RSAD1: variants seen among roughly 807,000 people sequenced by gnomAD.
RSAD1 encodes the protein radical S-adenosyl methionine domain containing 1.
Under a neutral mutation model 46.2 loss-of-function variants are expected in RSAD1, and 34 were observed. That is an observed-to-expected ratio of 0.74 (90% CI 0.56 to 0.98). The LOEUF is 0.98. Ranked by LOEUF, RSAD1 falls within the 50% of genes least tolerant of loss-of-function variation. The pLI, the probability that RSAD1 is intolerant of heterozygous loss-of-function variation, is 0.00. For synonymous variants in RSAD1, 260 were observed against 253.5 expected (o/e 1.03, Z -0.24); for missense variants, 635 against 592.3 (o/e 1.07, Z -0.75).
chr17:50,484,326 C>G, intron 7 of RSAD1, 116 bp from the exon 8 acceptor site: 2 of 832,094 alleles, frequency 2.4e-6, no homozygotes, highest in Non-Finnish European at 3.8e-6. Flanking sequence ...TCATGCATGT[C>G]AGCTGCTGAG....
intron 7 of RSAD1, chr17:50,484,184 G>C (rs2033420860): frequency 1.9e-6 from 1 of 518,376 alleles, no homozygotes; most frequent in East Asian, 3.3e-5. Flanking sequence ...CCTGGCTAGA[G>C]CTGGCTGAGA....
At position 50,483,463 on chromosome 17, in the gene RSAD1, G is replaced by A. The variant is rs375119650; in HGVS notation, c.1028G>A (p.Arg343His). 9.0e-5 allele frequency: 145 copies of A among 1,612,978 alleles called. No homozygotes were observed. The highest frequency in any genetic ancestry group is 6.6e-4 in the Middle Eastern group (4 of 6,082). Reference protein sequence around the residue: ...VMLFGHGTRKRVPLGRLELLE... With the variant: ...VMLFGHGTRKHVPLGRLELLE... Reference sequence around the variant, plus strand: ...CTGTTTGGCCATGGCACCCGGAAGCGTGTCCCCCTGGGCAGGCTGGAGCTG... The same window carrying A: ...CTGTTTGGCCATGGCACCCGGAAGCATGTCCCCCTGGGCAGGCTGGAGCTG... The change falls in exon 6 of 9, where the codon CGT (arginine) becomes CAT (histidine). Residue 343 changes from arginine (R) to histidine (H), a missense_variant. Arg to His is a conservative substitution (Grantham distance 29). Coordinates refer to ENST00000258955, the MANE Select transcript of RSAD1 (RefSeq NM_018346.3).
intron 4 of RSAD1, 59 bp downstream of exon 4, chr17:50,482,515 G>A (rs1183514766): frequency 6.2e-6 from 10 of 1,608,362 alleles, no homozygotes; most frequent in Non-Finnish European, 7.6e-6. Context: ...TGTGACCAGG[G>A]CGTTGTGACC....
At chr17:50,480,551 C>T (rs533932739) in intron 3 of RSAD1, 33 of 190,360 alleles carry the variant, frequency 1.7e-4, no homozygotes, top group African/African-American at 6.6e-4. Context: ...GTGGGGGAAA[C>T]GACACAGGCC....
Position 50,483,720 on chromosome 17 carries a change from T to G in RSAD1, c.1067T>G (p.Leu356Trp). ...TTTTCTTTGAGGCTGGAGGAAGTTT[T>G]GGCCCTGGGGCTACGCACCGATGTG... ...LGRLELLEEVLALGLRTDVGI... is the reference protein window; with the variant it reads ...LGRLELLEEVWALGLRTDVGI... Residue 356 changes from leucine (L) to tryptophan (W), a missense_variant, in exon 7 of 9, where the codon TTG becomes TGG. Leu to Trp is a moderately conservative substitution (Grantham distance 61, BLOSUM62 -2). Coordinates refer to ENST00000258955, the MANE Select transcript of RSAD1 (RefSeq NM_018346.3). The G allele has an allele frequency of 5.0e-6, 8 of 1,613,310 alleles. No individual in the cohort carries two copies. Among genetic ancestry groups the G allele is most frequent in the Non-Finnish European group, 6.8e-6 (8 of 1,179,780 alleles).
rs2143831122 is a variant in RSAD1, at chr17:50,479,703, C to G, written c.210C>G (p.Ala70=). The G allele has an allele frequency of 1.2e-6, 2 of 1,613,844 alleles. No homozygotes were observed. Among genetic ancestry groups the G allele is most frequent in the East Asian group, 4.5e-5 (2 of 44,876 alleles). ...KYIPRRLEEA[A]MQKCLVTEAQ... ...TCCCTCGCCGCCTGGAGGAGGCTGC[C>G]ATGCAGAAGTGTCTGGTGACCGAAG... Residue 70 remains alanine (A), a synonymous_variant, in exon 2 of 9, where the codon GCC becomes GCG. Transcript: ENST00000258955.
rs779107935 is a variant in RSAD1 at position 50,479,942 on chromosome 17, C to T, written c.332C>T (p.Ala111Val). Residue 111 changes from alanine (A) to valine (V), a missense_variant, in exon 3 of 9, where the codon GCT (alanine) becomes GTT (valine). Transcript: ENST00000258955. Reference protein sequence around the residue: ...PSLASPHTVAAVLEAVAQAAH... With the variant: ...PSLASPHTVAVVLEAVAQAAH... ...CTAGCCAGTCCCCACACGGTGGCTG[C>T]TGTCCTGGAGGCTGTGGCACAGGCA... 3 of 1,614,182 alleles carry T rather than the reference C, an allele frequency of 1.9e-6. No individual in the cohort carries two copies. In the Admixed American group the frequency reaches 5.0e-5, roughly 27 times the overall value.
intron 3 of RSAD1, chr17:50,480,330 T>G (rs568966092): frequency 1.9e-6 from 1 of 529,658 alleles, no homozygotes; most frequent in Admixed American, 3.2e-5. Flanking sequence ...GCCTGGCACA[T>G]AGTAGGTGGT....
At chr17:50,483,621 C>G in intron 6 of RSAD1, 85 bp from the exon 7 acceptor site, 2 of 1,595,494 alleles carry the variant, frequency 1.3e-6, no homozygotes, top group Non-Finnish European at 1.7e-6. Flanking sequence ...TGTTAGCCTC[C>G]TCTAAATGCA....
chr17:50,479,333 T>A, intron 1 of RSAD1: 1 of 489,546 alleles, frequency 2.0e-6, no homozygotes, highest in South Asian at 3.3e-5. Flanking sequence ...AAATGGCTCA[T>A]AGGAAAATTG....
At chr17:50,479,177 C>T in intron 1 of RSAD1, 158 bp downstream of exon 1, 1 of 796,916 alleles carries the variant, frequency 1.3e-6, no homozygotes, top group South Asian at 4.2e-5. Context: ...TGTGCTTTGG[C>T]AGGGAAATGA....
chr17:50,484,921 T>A lies in RSAD1; in HGVS notation c.*60T>A. On this transcript the variant is annotated 3_prime_UTR_variant, in exon 9 of 9. Coordinates refer to ENST00000258955, the MANE Select transcript of RSAD1 (RefSeq NM_018346.3). ...TGGGTTTTGAGAGCTGGGTCGGTAC[T>A]GCAGACATCTCTTCTCCGTTGTCGG... 7.6e-7 allele frequency: 1 copy of A among 1,317,512 alleles called. No individual in the cohort carries two copies. Among genetic ancestry groups the A allele is most frequent in the Non-Finnish European group, 1.1e-6 (1 of 913,326 alleles). The allele number at this position is 1,317,512 out of a possible 1,614,324, so 81.6% of individuals were successfully genotyped here.
rs1037966645 is a variant in RSAD1, at chr17:50,484,745, G to T, written c.1213G>T (p.Gly405Cys). 1.4e-5 allele frequency: 22 copies of T among 1,613,122 alleles called. No homozygotes were observed. Among genetic ancestry groups the T allele is most frequent in the Non-Finnish European group, 1.9e-5 (22 of 1,179,326 alleles). Residue 405 changes from glycine to cysteine, a missense_variant and splice_region_variant, in exon 9 of 9, where the codon GGT becomes TGT. Coordinates refer to ENST00000258955, the MANE Select transcript of RSAD1 (RefSeq NM_018346.3). ...ERGLLQLDHR[G>C]LRCSWEGLAV... Reference sequence around the variant, plus strand: ...CCTTCAGGCCTCTTGGTTTTCCAGGGGTCTTCGGTGTTCCTGGGAGGGTCT... The same window carrying T: ...CCTTCAGGCCTCTTGGTTTTCCAGGTGTCTTCGGTGTTCCTGGGAGGGTCT...
At position 50,482,398 on chromosome 17, in the gene RSAD1, G is replaced by A. The variant is rs759520075; in HGVS notation, c.782G>A (p.Arg261Gln). The A allele has an allele frequency of 1.3e-5, 21 of 1,597,952 alleles. No individual in the cohort carries two copies. The highest frequency in any genetic ancestry group is 2.2e-5 in the East Asian group (1 of 44,792). Residue 261 changes from arginine (R) to glutamine (Q), a missense_variant, in exon 4 of 9, where the codon CGG becomes CAG. By Grantham distance (43) the Arg-to-Gln change is conservative. Coordinates refer to ENST00000258955, the MANE Select transcript of RSAD1 (RefSeq NM_018346.3). The part of the protein sequence containing the change: ...ELAAEMYQRG[R>Q]AVLREAGFHQ... ...GCAGCTGAGATGTACCAGAGGGGCC[G>A]GGCTGTCCTTCGGGAGGCTGGCTTC... is the stretch of plus-strand genomic sequence containing the variant.
chr17:50,479,276 C>T, intron 1 of RSAD1: 1 of 476,416 alleles, frequency 2.1e-6, no homozygotes, highest in Non-Finnish European at 3.6e-6. Flanking sequence ...TTCCTCTTAG[C>T]AAGACAAAAT....
chr17:50,484,686 T>A, intron 8 of RSAD1, 58 bp from the exon 9 acceptor site: 1 of 1,553,544 alleles, frequency 6.4e-7, no homozygotes, highest in Non-Finnish European at 8.9e-7. Context: ...CCCTGCTGGG[T>A]GATGGGCTTG....
At position 50,479,721 on chromosome 17, in the gene RSAD1, G is replaced by C. The variant is rs549079982; in HGVS notation, c.228G>C (p.Val76=). Residue 76 remains valine (V), a synonymous_variant, in exon 2 of 9, where the codon GTG becomes GTC. Coordinates refer to ENST00000258955, the MANE Select transcript of RSAD1 (RefSeq NM_018346.3). The part of the protein sequence containing the change: ...LEEAAMQKCL[V]TEAQTLLRLS... ...AGGCTGCCATGCAGAAGTGTCTGGT[G>C]ACCGAAGCTCAGACGCTGCTGCGGC... The C allele has an allele frequency of 1.9e-6, 3 of 1,613,298 alleles. No homozygotes were observed. In the African/African-American group the frequency reaches 4.0e-5, roughly 21 times the overall value.
At chr17:50,479,811 T>C in intron 2 of RSAD1, 49 bp downstream of exon 2, 5 of 1,587,564 alleles carry the variant, frequency 3.1e-6, no homozygotes, top group Admixed American at 1.7e-5. Flanking sequence ...TTTGGAGGAG[T>C]GGTGGGGGAT....
In RSAD1 at chr17:50,479,897, T is replaced by G. The variant is rs772530642; in HGVS notation, c.287T>G (p.Phe96Cys). 14 of 1,613,516 alleles carry G rather than the reference T, an allele frequency of 8.7e-6. No individual in the cohort carries two copies. The South Asian group carries it at 1.5e-4, about 18-fold the overall frequency. The change falls in exon 3 of 9, where the codon TTT becomes TGT. Residue 96 changes from phenylalanine (F) to cysteine (C), a missense_variant. Physicochemically the swap from Phe to Cys is radical, Grantham distance 205. Coordinates refer to ENST00000258955, the MANE Select transcript of RSAD1 (RefSeq NM_018346.3). ...TTCCCCAGGGTGGAGTCTGTGTTCT[T>G]TGGTGGGGGGACCCCCAGTCTAGCC... The part of the protein sequence containing the change: ...SGVQRVESVF[F>C]GGGTPSLASP...
Sources: gnomAD v4.1 joint callset for allele counts on GRCh38, gnomAD v4.1.1 for gene constraint, MANE v1.5 for transcripts, NCBI Gene and HGNC (gene_info 2026-07-23, HGNC 2026-07-21) for gene names.